The following PCDHGB5 variants were observed in gnomAD, a reference collection of about 807,000 sequenced individuals.
PCDHGB5 encodes the protein protocadherin gamma subfamily B, 5, also known as protocadherin gamma-B5.
Under a neutral mutation model 62.9 loss-of-function variants are expected in PCDHGB5, and 48 were observed. The ratio of observed to expected loss-of-function variants is 0.76; its 90% CI spans 0.61 to 0.97. The LOEUF (loss-of-function observed/expected upper bound fraction) is 0.97, where lower values mean the gene tolerates loss of function less well. Among genes scored for constraint, PCDHGB5 ranks in the 50% least tolerant of loss-of-function variants. The pLI is 0.00. For missense variants in PCDHGB5, 1,118 were observed against 1,198.6 expected (o/e 0.93, Z 0.99); for synonymous variants, 474 against 511.2 (o/e 0.93, Z 0.98).
chr5:141,485,768 C>G lies in PCDHGB5; in HGVS notation c.2398-9039C>G. ...GGTCCCAGAGCTGCTCCTGGAGAAG[C>G]CTTTGGATCGAGAGAAGCAATCGGA... On this transcript the variant is annotated intron_variant, in intron 1 of 3. Coordinates refer to ENST00000617380, the MANE Select transcript of PCDHGB5 (RefSeq NM_018925.3). The surrounding 1 kb of genome is among the most constrained non-coding windows in gnomAD (Gnocchi z 5.7). 5 of 1,614,192 alleles carry G rather than the reference C, an allele frequency of 3.1e-6. No homozygotes were observed. The South Asian group carries it at 3.3e-5, about 11-fold the overall frequency.
At chr5:141,419,739 G>A (rs200899065) in intron 1 of PCDHGB5, 179 of 1,613,652 alleles carry the variant, frequency 1.1e-4, no homozygotes, top group Admixed American at 2.5e-4. Context: ...GGCGAGGTGC[G>A]CATGGTGCGT....
chr5:141,431,355 C>T lies in PCDHGB5; in HGVS notation c.2397+30831C>T. 1 of 1,614,054 alleles carries T rather than the reference C, an allele frequency of 6.2e-7. No homozygotes were observed. Among genetic ancestry groups the T allele is most frequent in the South Asian group, 1.1e-5 (1 of 91,082 alleles). ...TACCCCGAATTGGTGCTGAAACGCG[C>T]CCTGGACCGCGAAGAAAAGGCTGCT... On this transcript the variant is annotated intron_variant, in intron 1 of 3. Transcript: ENST00000617380. The surrounding 1 kb of genome is among the most constrained non-coding windows in gnomAD (Gnocchi z 4.8).
In PCDHGB5 at chr5:141,510,950, C is replaced by T. The variant is rs770587030; in HGVS notation, c.2549C>T (p.Ala850Val). 1.2e-6 allele frequency: 2 copies of T among 1,614,126 alleles called. No homozygotes were observed. The highest frequency in any genetic ancestry group is 2.2e-5 in the South Asian group (2 of 91,078). ...QAMILASASE[A>V]ADGSSTLGGG... Reference sequence around the variant, plus strand: ...TGATCTTCCTCTGTCTCTGCAGAAGCTGCTGATGGGAGCTCCACCCTGGGA... The same window carrying T: ...TGATCTTCCTCTGTCTCTGCAGAAGTTGCTGATGGGAGCTCCACCCTGGGA... The change falls in exon 4 of 4, where the codon GCT (alanine) becomes GTT (valine). Residue 850 changes from alanine (A) to valine (V), a missense_variant. Physicochemically the swap from Ala to Val is moderately conservative, Grantham distance 64. This residue lies in a region of PCDHGB5 where 1,034 missense variants were observed against 1,029.1 expected (regional missense o/e 1.00). Transcript: ENST00000617380.
Position 141,485,754 on chromosome 5 carries a change from T to A in PCDHGB5, c.2398-9053T>A, listed in dbSNP as rs770807249. ...AGCGACGGCAGCCTGGTCCCAGAGC[T>A]GCTCCTGGAGAAGCCTTTGGATCGA... On this transcript the variant is annotated intron_variant, in intron 1 of 3. Transcript: ENST00000617380. This position sits in a 1 kb window ranked among gnomAD's most constrained non-coding sequence, Gnocchi z 5.7. 1 of 1,614,236 alleles carries A rather than the reference T, an allele frequency of 6.2e-7. No individual in the cohort carries two copies. The highest frequency in any genetic ancestry group is 8.5e-7 in the Non-Finnish European group (1 of 1,180,044).
chr5:141,427,139 T>C (rs1430333586), intron 1 of PCDHGB5: 2 of 456,952 alleles, frequency 4.4e-6, no homozygotes, highest in East Asian at 1.4e-4. Context: ...TACGAGATGA[T>C]ATTGGAAATA....
chr5:141,428,454 C>A, intron 1 of PCDHGB5: 1 of 365,394 alleles, frequency 2.7e-6, no homozygotes, highest in Non-Finnish European at 5.2e-6. Context: ...TTTTTCCCAA[C>A]TACAATGAGG....
At chr5:141,411,951 G>A (rs1589812278) in intron 1 of PCDHGB5, 1 of 152,252 alleles carries the variant, frequency 6.6e-6, no homozygotes, top group African/African-American at 2.4e-5. Context: ...GATTTTTGAA[G>A]AAAAAAGATA....
chr5:141,435,718 G>T (rs2097776232), intron 1 of PCDHGB5, among the ~76,000 whole-genome samples: 1 of 152,150 alleles, frequency 6.6e-6, no homozygotes, highest in African/African-American at 2.4e-5. Context: ...GACACTGAAT[G>T]CTAAAGTGTA....
At position 141,490,712 on chromosome 5, in the gene PCDHGB5, A is replaced by T; in HGVS notation, c.2398-4095A>T. The stretch of plus-strand genomic sequence containing the variant: ...ACTGGGGATAATGCCCGCCTCACCT[A>T]CTCCATTGTAGGAAATCAGGTTCAG... On this transcript the variant is annotated intron_variant, in intron 1 of 3. Transcript: ENST00000617380. The surrounding 1 kb of genome is among the most constrained non-coding windows in gnomAD (Gnocchi z 5.4). The T allele has an allele frequency of 6.2e-7, 1 of 1,613,686 alleles. No homozygotes were observed. The highest frequency in any genetic ancestry group is 8.5e-7 in the Non-Finnish European group (1 of 1,179,894).
At chr5:141,418,828 C>G in intron 1 of PCDHGB5, 1 of 1,613,978 alleles carries the variant, frequency 6.2e-7, no homozygotes, top group Non-Finnish European at 8.5e-7. Flanking sequence ...AAGCAAAAGA[C>G]CGAGGATCTC....
chr5:141,488,131 G>A (rs2099672034), intron 1 of PCDHGB5, among the ~76,000 whole-genome samples: 1 of 152,202 alleles, frequency 6.6e-6, no homozygotes, highest in Non-Finnish European at 1.5e-5. Context: ...GCAGAAAGAG[G>A]AGAGAACTAA....
Position 141,477,426 on chromosome 5 carries a change from T to G in PCDHGB5, c.2398-17381T>G. 1 of 1,614,100 alleles carries G rather than the reference T, an allele frequency of 6.2e-7. No individual in the cohort carries two copies. Among genetic ancestry groups the G allele is most frequent in the East Asian group, 2.2e-5 (1 of 44,874 alleles). The stretch of plus-strand genomic sequence containing the variant: ...GCCCGAGACGCCGGAACCCCTTCCC[T>G]CTCAGCCCTTACAATAGTGCGTGTT... On this transcript the variant is annotated intron_variant, in intron 1 of 3. Coordinates refer to ENST00000617380, the MANE Select transcript of PCDHGB5 (RefSeq NM_018925.3). The surrounding 1 kb of genome is among the most constrained non-coding windows in gnomAD (Gnocchi z 4.9).
intron 1 of PCDHGB5, among the ~76,000 whole-genome samples, chr5:141,445,961 G>C (rs944876169): frequency 6.6e-6 from 1 of 152,158 alleles, no homozygotes; most frequent in Non-Finnish European, 1.5e-5. Flanking sequence ...GCTATATGGA[G>C]AATTGATTTA....
chr5:141,418,509 G>A, intron 1 of PCDHGB5: 1 of 1,613,986 alleles, frequency 6.2e-7, no homozygotes. Context: ...GCCTTAGATG[G>A]TGGGGACCCT....
intron 1 of PCDHGB5, chr5:141,427,653 G>A (rs1221862562): frequency 4.1e-6 from 3 of 725,570 alleles, no homozygotes; most frequent in Non-Finnish European, 4.9e-6. Flanking sequence ...CTCCTACGTG[G>A]TCCACGTGGC....
rs149806642 is a variant in PCDHGB5 at position 141,502,449 on chromosome 5, A to T, written c.2457-2944A>T. 7.7e-3 allele frequency among the ~76,000 whole-genome samples: 1,166 copies of T among 151,886 alleles called. 15 individuals carry two copies. The highest frequency in any genetic ancestry group is 0.027 in the African/African-American group (1,103 of 41,308). On this transcript the variant is annotated intron_variant, in intron 2 of 3. Coordinates refer to ENST00000617380, the MANE Select transcript of PCDHGB5 (RefSeq NM_018925.3). The stretch of plus-strand genomic sequence containing the variant: ...TCTGATGGTTAGATTCAGATTACAC[A>T]CCTTGGTAGGAATACTTCCCGCAGC...
chr5:141,443,788 A>C (rs1468852602), intron 1 of PCDHGB5, among the ~76,000 whole-genome samples: 2 of 152,224 alleles, frequency 1.3e-5, no homozygotes, highest in African/African-American at 4.8e-5. Context: ...AGACAAAAAA[A>C]ATGAAAAGGA....
At chr5:141,459,287 G>A (rs1362981410) in intron 1 of PCDHGB5, among the ~76,000 whole-genome samples, 1 of 152,136 alleles carries the variant, frequency 6.6e-6, no homozygotes, top group African/African-American at 2.4e-5. Context: ...TCATCTAAAT[G>A]GAATCCTATA....
chr5:141,426,970 A>G (rs772659046), intron 1 of PCDHGB5: 1 of 456,742 alleles, frequency 2.2e-6, no homozygotes. Context: ...ATTCAAATTG[A>G]GGTCACTGAT....
Sources: gnomAD v4.1 joint callset for allele counts (sites outside exome capture counted in the v4.1 genomes callset) on GRCh38, gnomAD v4.1.1 for gene constraint, gnomAD v4.1.1 regional missense constraint, Gnocchi (gnomAD v3.1) non-coding constraint, MANE v1.5 for transcripts, NCBI Gene and HGNC (gene_info 2026-07-23, HGNC 2026-07-21) for gene names.